The following POU6F2 variants were observed in gnomAD, a reference collection of about 807,000 sequenced individuals.
The protein encoded by POU6F2 is POU class 6 homeobox 2.
A neutral mutation model predicts 71.3 loss-of-function variants in POU6F2; 31 were observed. That is an observed-to-expected ratio of 0.43 (90% confidence interval 0.33 to 0.59). POU6F2 has a LOEUF of 0.59. Among genes scored for constraint, POU6F2 ranks in the 20% least tolerant of loss-of-function variants. POU6F2 has a pLI of 0.04. For missense variants in POU6F2, 783 were observed against 856.8 expected, an observed-to-expected ratio of 0.91 and a Z score of 1.07; for synonymous variants, 347 against 355.7, an observed-to-expected ratio of 0.98 and a Z score of 0.27.
chr7:39,430,589 G>A (rs185312577), intron 6 of POU6F2, among the ~76,000 whole-genome samples: 1 of 152,338 alleles, frequency 6.6e-6, no homozygotes, highest in Admixed American at 6.5e-5. Context: ...CAGGAAGTAG[G>A]CAGAGTATTT....
intron 5 of POU6F2, among the ~76,000 whole-genome samples, chr7:39,383,654 G>A (rs1201996281): frequency 1.3e-5 from 2 of 152,124 alleles, no homozygotes; most frequent in South Asian, 2.1e-4. Flanking sequence ...CTGCATGAAG[G>A]TGTCCACAAT....
intron 1 of POU6F2, among the ~76,000 whole-genome samples, chr7:39,065,743 A>C (rs1324129153): frequency 6.6e-6 from 1 of 151,792 alleles, no homozygotes; most frequent in African/African-American, 2.4e-5. Flanking sequence ...AAATTGACCA[A>C]TAAATAAGTA....
At chr7:39,419,684 T>A (rs987909617) in intron 6 of POU6F2, among the ~76,000 whole-genome samples, 4 of 152,212 alleles carry the variant, frequency 2.6e-5, no homozygotes, top group African/African-American at 9.6e-5. Context: ...ATTTTGGGGT[T>A]GTTGTAAAAA....
intron 5 of POU6F2, among the ~76,000 whole-genome samples, chr7:39,386,551 C>T (rs571254412): frequency 6.6e-6 from 1 of 152,170 alleles, no homozygotes; most frequent in Non-Finnish European, 1.5e-5. Context: ...AGATTTTTAA[C>T]AGGAGGGTGA....
chr7:39,389,661 C>G (rs930144234), intron 5 of POU6F2, among the ~76,000 whole-genome samples: 4 of 152,166 alleles, frequency 2.6e-5, no homozygotes, highest in Admixed American at 2.6e-4. Flanking sequence ...CTGTAATATC[C>G]AATACATATA....
intron 4 of POU6F2, among the ~76,000 whole-genome samples, chr7:39,210,022 G>A (rs993080188): frequency 5.3e-5 from 8 of 152,130 alleles, no homozygotes; most frequent in East Asian, 3.9e-4. Context: ...CAACAGCGAG[G>A]GGAGAAGGCT....
At chr7:39,395,245 T>C (rs999520778) in intron 5 of POU6F2, among the ~76,000 whole-genome samples, 11 of 152,150 alleles carry the variant, frequency 7.2e-5, no homozygotes, top group Non-Finnish European at 1.5e-4. Context: ...ATCTGCTGCT[T>C]TCCTCCTTCT....
chr7:39,296,050 C>T (rs1230184379), intron 4 of POU6F2, among the ~76,000 whole-genome samples: 1 of 152,146 alleles, frequency 6.6e-6, no homozygotes. Flanking sequence ...TTTATGAGAG[C>T]AAAGTCACAT....
chr7:39,260,201 ACC>A (rs1784105856), intron 4 of POU6F2, among the ~76,000 whole-genome samples: 1 of 146,708 alleles, frequency 6.8e-6, no homozygotes, highest in African/African-American at 2.5e-5. Context: ...CACACACAAT[ACC>A]ACACACACCA....
At chr7:39,009,427 G>A (rs921237606) in intron 1 of POU6F2, among the ~76,000 whole-genome samples, 3 of 152,188 alleles carry the variant, frequency 2.0e-5, no homozygotes, top group Admixed American at 6.5e-5. Flanking sequence ...TTTGGGCTGA[G>A]ACAATGGGGT....
At chr7:39,428,069 G>A (rs1220101909) in intron 6 of POU6F2, among the ~76,000 whole-genome samples, 1 of 152,182 alleles carries the variant, frequency 6.6e-6, no homozygotes, top group East Asian at 1.9e-4. Flanking sequence ...CTGAATTGCT[G>A]GGGTTTGCTA....
intron 1 of POU6F2, among the ~76,000 whole-genome samples, chr7:39,053,689 C>T (rs1046441865): frequency 2.0e-5 from 3 of 152,102 alleles, no homozygotes; most frequent in African/African-American, 7.2e-5. Flanking sequence ...TTTTACCACT[C>T]TTCTGGGGGT....
intron 2 of POU6F2, among the ~76,000 whole-genome samples, chr7:39,118,140 A>G (rs1202107778): frequency 1.3e-5 from 2 of 152,162 alleles, no homozygotes; most frequent in African/African-American, 2.4e-5. Flanking sequence ...GAGCTGGTCC[A>G]CTAGAAAAGG....
chr7:39,358,135 T>TACA (rs2115698706), intron 5 of POU6F2, among the ~76,000 whole-genome samples: 1 of 152,328 alleles, frequency 6.6e-6, no homozygotes, highest in Admixed American at 6.5e-5. Flanking sequence ...TGACTGGATA[T>TACA]CTGATGATAC....
intron 5 of POU6F2, among the ~76,000 whole-genome samples, chr7:39,350,303 C>T (rs146078444): frequency 1.3e-5 from 2 of 151,940 alleles, no homozygotes; most frequent in Non-Finnish European, 2.9e-5. Flanking sequence ...GTGACTGTGG[C>T]GTTTAAAGAG....
chr7:39,261,438 T>C (rs954358790), intron 4 of POU6F2, among the ~76,000 whole-genome samples: 8 of 152,226 alleles, frequency 5.3e-5, no homozygotes, highest in African/African-American at 1.9e-4. Context: ...GACTTTCCAT[T>C]TTTGGCCATG....
At chr7:39,202,191 A>C (rs774211850) in intron 2 of POU6F2, among the ~76,000 whole-genome samples, 8 of 152,210 alleles carry the variant, frequency 5.3e-5, no homozygotes, top group Non-Finnish European at 1.2e-4. Flanking sequence ...ACAAATGCAC[A>C]ATCTTGTTGA....
chr7:39,389,677 T>C (rs1403598527), intron 5 of POU6F2, among the ~76,000 whole-genome samples: 10 of 152,354 alleles, frequency 6.6e-5, no homozygotes, highest in Admixed American at 5.9e-4. Context: ...ATATAAAAAT[T>C]TGTGTTTCTT....
intron 1 of POU6F2, among the ~76,000 whole-genome samples, chr7:39,059,770 C>G (rs1430719444): frequency 6.6e-6 from 1 of 152,170 alleles, no homozygotes; most frequent in Non-Finnish European, 1.5e-5. Context: ...AAACATGGAA[C>G]TAACCCAAAT....
Sources: gnomAD v4.1 joint callset for allele counts (sites outside exome capture counted in the v4.1 genomes callset) on GRCh38, gnomAD v4.1.1 for gene constraint, MANE v1.5 for transcripts, NCBI Gene and HGNC (gene_info 2026-07-23, HGNC 2026-07-21) for gene names.